Variants in TOX observed in about 807,000 individuals in gnomAD.
The protein encoded by TOX is thymocyte selection-associated high mobility group box protein TOX.
A neutral mutation model predicts 53.7 loss-of-function variants in TOX; 11 were observed. That is an observed-to-expected ratio of 0.20 (90% CI 0.13 to 0.34). The LOEUF (loss-of-function observed/expected upper bound fraction) is 0.34. Ranked by LOEUF, TOX falls within the 10% of genes least tolerant of loss-of-function variation. TOX has a pLI of 1.00. For synonymous variants in TOX, 225 were observed against 245.3 expected (o/e 0.92, Z 0.77); for missense variants, 570 against 664.6 (o/e 0.86, Z 1.56).
intron 1 of TOX, among the ~76,000 whole-genome samples, chr8:59,071,465 C>A (rs571739556): frequency 6.6e-6 from 1 of 152,196 alleles, no homozygotes; most frequent in African/African-American, 2.4e-5. Context: ...CAAGTTCCAA[C>A]GGCAGCTTGT....
intron 7 of TOX, among the ~76,000 whole-genome samples, chr8:58,809,876 T>C (rs1227124668): frequency 1.3e-5 from 2 of 152,226 alleles, no homozygotes; most frequent in Admixed American, 1.3e-4. Context: ...TAGCCCATAA[T>C]AGTGGCTCAA....
intron 3 of TOX, among the ~76,000 whole-genome samples, chr8:58,854,832 G>A (rs1810887449): frequency 6.6e-6 from 1 of 152,080 alleles, no homozygotes; most frequent in African/African-American, 2.4e-5. Flanking sequence ...CACTTACCTT[G>A]TTTTCCTAAG....
intron 3 of TOX, among the ~76,000 whole-genome samples, chr8:58,869,009 C>T (rs761113266): frequency 5.4e-4 from 82 of 151,962 alleles, no homozygotes; most frequent in Admixed American, 1.4e-3. Flanking sequence ...ATACTGATCT[C>T]AAGGACATTA....
chr8:58,811,751 A>AT (rs538200728), intron 7 of TOX, among the ~76,000 whole-genome samples: 141 of 152,290 alleles, frequency 9.3e-4, no homozygotes, highest in African/African-American at 3.3e-3. Flanking sequence ...GATATTAATG[A>AT]TTTTTTTCTC....
At position 59,099,193 on chromosome 8, in the gene TOX, G is replaced by C. The variant is rs541641635; in HGVS notation, c.102+19693C>G. The stretch of plus-strand genomic sequence containing the variant: ...ATTTAACAAGCCAATGGATTTCTCT[G>C]ACTTCTTGGGCTGGAAAAAATCTTA... On this transcript the variant is annotated intron_variant, in intron 1 of 8. Coordinates refer to ENST00000361421, the MANE Select transcript of TOX (RefSeq NM_014729.3). 2.6e-5 allele frequency among the ~76,000 whole-genome samples: 4 copies of C among 152,264 alleles called. No individual in the cohort carries two copies. In the East Asian group the frequency reaches 7.7e-4, roughly 29 times the overall value.
chr8:58,888,972 T>C (rs1563380242), intron 3 of TOX, among the ~76,000 whole-genome samples: 1 of 151,944 alleles, frequency 6.6e-6, no homozygotes, highest in Non-Finnish European at 1.5e-5. Flanking sequence ...AAATAATACC[T>C]AGATCTTTTT....
chr8:58,944,752 C>T (rs1812499327), intron 2 of TOX, among the ~76,000 whole-genome samples: 1 of 152,168 alleles, frequency 6.6e-6, no homozygotes, highest in Admixed American at 6.5e-5. Flanking sequence ...CTTTATATAG[C>T]TACGGTTACT....
At chr8:59,030,909 T>C (rs1340264314) in intron 1 of TOX, among the ~76,000 whole-genome samples, 3 of 152,226 alleles carry the variant, frequency 2.0e-5, no homozygotes, top group Admixed American at 6.5e-5. Context: ...AGAAACATCA[T>C]ACATCAGAAT....
intron 1 of TOX, among the ~76,000 whole-genome samples, chr8:59,034,837 G>A (rs968868516): frequency 4.6e-5 from 7 of 152,190 alleles, no homozygotes; most frequent in Non-Finnish European, 1.0e-4. Flanking sequence ...TTGCAAAGAA[G>A]CTCATTTTGT....
chr8:59,059,143 G>A (rs1803935139), intron 1 of TOX, among the ~76,000 whole-genome samples: 1 of 152,184 alleles, frequency 6.6e-6, no homozygotes, highest in African/African-American at 2.4e-5. Context: ...TAGATAATGA[G>A]GGTGCCTAAC....
At chr8:58,882,572 G>A (rs1042958159) in intron 3 of TOX, among the ~76,000 whole-genome samples, 1 of 152,164 alleles carries the variant, frequency 6.6e-6, no homozygotes, top group African/African-American at 2.4e-5. Flanking sequence ...TGTCCTTGAA[G>A]TCAGATGGAT....
At chr8:59,028,691 A>G (rs1396035557) in intron 1 of TOX, among the ~76,000 whole-genome samples, 1 of 152,148 alleles carries the variant, frequency 6.6e-6, no homozygotes, top group East Asian at 1.9e-4. Flanking sequence ...TGTTACTCAA[A>G]GCAGAAAAAT....
chr8:58,948,924 A>T (rs560210884), intron 2 of TOX, among the ~76,000 whole-genome samples: 2 of 152,284 alleles, frequency 1.3e-5, no homozygotes, highest in Admixed American at 6.5e-5. Flanking sequence ...TTTTTAGTGC[A>T]TATTTGCTAG....
At chr8:59,017,334 T>G (rs1197915782) in intron 1 of TOX, among the ~76,000 whole-genome samples, 1 of 152,248 alleles carries the variant, frequency 6.6e-6, no homozygotes, top group African/African-American at 2.4e-5. Flanking sequence ...TTTATTTTTT[T>G]AAATGGCATT....
intron 3 of TOX, among the ~76,000 whole-genome samples, chr8:58,869,632 A>G (rs991534945): frequency 6.6e-6 from 1 of 152,170 alleles, no homozygotes. Context: ...AAAACTCCTC[A>G]ACAAAATATT....
intron 3 of TOX, among the ~76,000 whole-genome samples, chr8:58,915,131 G>A (rs1014016884): frequency 6.6e-6 from 1 of 151,412 alleles, no homozygotes; most frequent in Admixed American, 6.6e-5. Flanking sequence ...GGGGAGGGGC[G>A]CCCACCATTG....
chr8:59,007,290 G>GA (rs1285947755), intron 1 of TOX, among the ~76,000 whole-genome samples: 1 of 151,412 alleles, frequency 6.6e-6, no homozygotes, highest in Non-Finnish European at 1.5e-5. Flanking sequence ...ATAGTTTAAT[G>GA]AAATTCTTCT....
chr8:58,844,262 T>C (rs1039673307), intron 4 of TOX, among the ~76,000 whole-genome samples: 1 of 152,186 alleles, frequency 6.6e-6, no homozygotes. Flanking sequence ...ATGTGGCTAG[T>C]ACAACTGAGC....
At chr8:58,850,440 A>G (rs1035349493) in intron 4 of TOX, among the ~76,000 whole-genome samples, 5 of 152,204 alleles carry the variant, frequency 3.3e-5, no homozygotes, top group Non-Finnish European at 7.3e-5. Flanking sequence ...CTAGGACTGG[A>G]TAGTTTGAAT....
Sources: allele counts gnomAD v4.1 joint callset (sites outside exome capture counted in the v4.1 genomes callset), GRCh38; gene constraint gnomAD v4.1.1; transcripts MANE v1.5; gene names NCBI Gene and HGNC (gene_info 2026-07-23, HGNC 2026-07-21).